The following ARHGEF7 variants were observed in gnomAD, a reference collection of about 807,000 sequenced individuals.
ARHGEF7 encodes Rho guanine nucleotide exchange factor 7, also known as PAK-interacting exchange factor beta.
Under a neutral mutation model 109.8 loss-of-function variants are expected in ARHGEF7, and 33 were observed. The ratio of observed to expected loss-of-function variants is 0.30; its 90% CI spans 0.23 to 0.40. ARHGEF7 has a LOEUF of 0.40. Among genes scored for constraint, ARHGEF7 ranks in the 10% least tolerant of loss-of-function variants. ARHGEF7 has a pLI of 1.00. For missense variants in ARHGEF7, 938 were observed against 1,098.5 expected, an observed-to-expected ratio of 0.85 and a Z score of 2.07; for synonymous variants, 458 against 424.6, an observed-to-expected ratio of 1.08 and a Z score of -0.97.
intron 8 of ARHGEF7, among the ~76,000 whole-genome samples, chr13:111,251,574 T>G (rs1232367324): frequency 6.6e-6 from 1 of 152,254 alleles, no homozygotes; most frequent in African/African-American, 2.4e-5. Flanking sequence ...GAGATTCTTT[T>G]CCGTGTTAAA....
At chr13:111,201,728 A>C (rs1423732581) in intron 2 of ARHGEF7, among the ~76,000 whole-genome samples, 1 of 152,108 alleles carries the variant, frequency 6.6e-6, no homozygotes, top group East Asian at 1.9e-4. Flanking sequence ...TAAGGGGCCC[A>C]ATGCAGGGCT....
At chr13:111,240,570 A>G (rs893830116) in intron 6 of ARHGEF7, among the ~76,000 whole-genome samples, 3 of 152,192 alleles carry the variant, frequency 2.0e-5, no homozygotes, top group South Asian at 4.1e-4. Context: ...GTGGAGTCAG[A>G]TGTTTATTAC....
At chr13:111,152,097 A>G (rs2075920099) in intron 1 of ARHGEF7, among the ~76,000 whole-genome samples, 1 of 152,182 alleles carries the variant, frequency 6.6e-6, no homozygotes, top group Non-Finnish European at 1.5e-5. Context: ...GTTACTTGCC[A>G]AAAAAGAGTG....
At position 111,149,134 on chromosome 13, in the gene ARHGEF7, G is replaced by T. The variant is rs149934644; in HGVS notation, c.166-4771G>T. On this transcript the variant is annotated intron_variant, in intron 1 of 21. Coordinates refer to ENST00000646102, the MANE Select transcript of ARHGEF7 (RefSeq NM_001354046.2). ...CATTAAAAAAACCATTTCTGTCCGGGTGCGATGGCTCACGCCTGTAATCCC... is the reference window on the plus strand; with the variant it reads ...CATTAAAAAAACCATTTCTGTCCGGTTGCGATGGCTCACGCCTGTAATCCC... 9.5e-4 allele frequency among the ~76,000 whole-genome samples: 145 copies of T among 152,020 alleles called. 2 individuals carry two copies. In the East Asian group the frequency reaches 0.025, roughly 26 times the overall value.
At chr13:111,168,608 A>C (rs1411352841) in intron 2 of ARHGEF7, among the ~76,000 whole-genome samples, 1 of 152,192 alleles carries the variant, frequency 6.6e-6, no homozygotes, top group East Asian at 1.9e-4. Context: ...ATCCTTATAG[A>C]TTATACAGTT....
At chr13:111,198,338 A>G (rs7982199) in intron 2 of ARHGEF7, among the ~76,000 whole-genome samples, 68,960 of 152,026 alleles carry the variant, frequency 0.45, 16,309 homozygotes, top group South Asian at 0.55. Context: ...AAATGTGTCC[A>G]GAATTGGTTC....
At chr13:111,271,787 A>G (rs1281283863) in intron 9 of ARHGEF7, among the ~76,000 whole-genome samples, 1 of 152,224 alleles carries the variant, frequency 6.6e-6, no homozygotes, top group Admixed American at 6.5e-5. Context: ...AGTTGATAAA[A>G]TGTTTCTTGT....
chr13:111,157,247 A>G (rs903397095), intron 2 of ARHGEF7, among the ~76,000 whole-genome samples: 3 of 151,862 alleles, frequency 2.0e-5, no homozygotes, highest in African/African-American at 4.8e-5. Flanking sequence ...TGCAACTTGG[A>G]TGACTTCATT....
intron 2 of ARHGEF7, among the ~76,000 whole-genome samples, chr13:111,178,256 C>T (rs1594339720): frequency 6.6e-6 from 1 of 152,170 alleles, no homozygotes; most frequent in African/African-American, 2.4e-5. Context: ...TGGGAACCAG[C>T]GAGAGAACAG....
At chr13:111,246,321 C>T (rs763390309) in intron 8 of ARHGEF7, among the ~76,000 whole-genome samples, 3 of 152,124 alleles carry the variant, frequency 2.0e-5, no homozygotes, top group East Asian at 1.9e-4. Context: ...CCTTGGATTT[C>T]GGTTGGTCTC....
intron 8 of ARHGEF7, among the ~76,000 whole-genome samples, chr13:111,263,080 A>G (rs1010117625): frequency 9.2e-5 from 14 of 152,202 alleles, no homozygotes; most frequent in Non-Finnish European, 1.5e-4. Flanking sequence ...ATATTCTGTA[A>G]TGGTGATTTC....
chr13:111,294,543 A>G (rs750955533), intron 19 of ARHGEF7: 1 of 985,468 alleles, frequency 1.0e-6, no homozygotes, highest in Non-Finnish European at 1.2e-6. Context: ...TCTTGATGCT[A>G]AGATCACTGC....
chr13:111,216,778 G>A (rs891609365), intron 4 of ARHGEF7, among the ~76,000 whole-genome samples: 12 of 152,182 alleles, frequency 7.9e-5, no homozygotes, highest in African/African-American at 2.9e-4. Flanking sequence ...CTCCTGTGCC[G>A]GCACGAGCAG....
At position 111,131,085 on chromosome 13, in the gene ARHGEF7, C is replaced by T. The variant is rs1449596495; in HGVS notation, c.165+15394C>T. Among the ~76,000 whole-genome samples the T allele has an allele frequency of 6.6e-6, 1 of 152,202 alleles. No individual in the cohort carries two copies. The highest frequency in any genetic ancestry group is 1.5e-5 in the Non-Finnish European group (1 of 68,040). On this transcript the variant is annotated intron_variant, in intron 1 of 21. Transcript: ENST00000646102. The surrounding 1 kb of genome is among the most constrained non-coding windows in gnomAD (Gnocchi z 4.4). Reference sequence around the variant, plus strand: ...GAAGAATGATATGATCAGTTCTGTGCTTTGAAAACAATACTCTAGCCATAG... The same window carrying T: ...GAAGAATGATATGATCAGTTCTGTGTTTTGAAAACAATACTCTAGCCATAG...
At chr13:111,156,961 T>A (rs79447092) in intron 2 of ARHGEF7, among the ~76,000 whole-genome samples, 3,389 of 152,376 alleles carry the variant, frequency 0.022, 53 homozygotes, top group Middle Eastern at 0.044. Flanking sequence ...TCTTATTTAC[T>A]GTCAGTTTAA....
chr13:111,146,035 T>C (rs902634540), intron 1 of ARHGEF7, among the ~76,000 whole-genome samples: 6 of 152,186 alleles, frequency 3.9e-5, no homozygotes, highest in African/African-American at 1.4e-4. Context: ...AGGGAGCTTA[T>C]GTCTAATGAG....
In ARHGEF7 at chr13:111,209,914, C is replaced by T; in HGVS notation, c.380C>T (p.Ser127Phe). ...GACTCCGTGTGTGCCCGGCCCTCGT[C>T]TCACCGCATAAAGTCTTTTGACTCC... ...GSDSVCARPS[S>F]HRIKSFDSLG... Residue 127 changes from serine (S) to phenylalanine (F), a missense_variant, in exon 4 of 22, where the codon TCT becomes TTT. Physicochemically the swap from Ser to Phe is radical, Grantham distance 155. Coordinates refer to ENST00000646102, the MANE Select transcript of ARHGEF7 (RefSeq NM_001354046.2). The T allele has an allele frequency of 1.2e-6, 2 of 1,614,194 alleles. No individual in the cohort carries two copies. Among genetic ancestry groups the T allele is most frequent in the South Asian group, 1.1e-5 (1 of 91,076 alleles).
At chr13:111,130,236 C>T (rs753122786) in intron 1 of ARHGEF7, among the ~76,000 whole-genome samples, 4 of 152,294 alleles carry the variant, frequency 2.6e-5, no homozygotes, top group South Asian at 4.1e-4. Flanking sequence ...GAGACCTCTG[C>T]GTGAGGGGCA....
chr13:111,140,695 G>A (rs1481382544), intron 1 of ARHGEF7, among the ~76,000 whole-genome samples: 4 of 152,130 alleles, frequency 2.6e-5, no homozygotes, highest in South Asian at 2.1e-4. Context: ...TTGTTTGTTC[G>A]TTTGTTTGCT....
Sources: gnomAD v4.1 joint callset for allele counts (sites outside exome capture counted in the v4.1 genomes callset) on GRCh38, gnomAD v4.1.1 for gene constraint, Gnocchi (gnomAD v3.1) non-coding constraint, MANE v1.5 for transcripts, NCBI Gene and HGNC (gene_info 2026-07-23, HGNC 2026-07-21) for gene names.